NUP210: variants seen among roughly 807,000 people sequenced by gnomAD.
NUP210 encodes the protein nucleoporin 210, also known as nuclear pore membrane glycoprotein 210.
In NUP210, 151 loss-of-function variants were observed where a neutral mutation model predicts 196.0. The ratio of observed to expected loss-of-function variants is 0.77; its 90% CI spans 0.67 to 0.88. The LOEUF (loss-of-function observed/expected upper bound fraction) is 0.88, where lower values mean the gene tolerates loss of function less well. Among genes scored for constraint, NUP210 ranks in the 40% least tolerant of loss-of-function variants. The probability of loss-of-function intolerance (pLI) is 0.00; values close to 1 mark genes in which losing one functional copy is unlikely to be tolerated. For missense variants in NUP210, 2,314 were observed against 2,493.7 expected (o/e 0.93, Z 1.53); for synonymous variants, 1,070 against 1,052.7 (o/e 1.02, Z -0.32).
intron 3 of NUP210, among the ~76,000 whole-genome samples, chr3:13,396,794 T>C (rs1266466135): frequency 6.8e-6 from 1 of 147,488 alleles, no homozygotes; most frequent in Non-Finnish European, 1.5e-5. Flanking sequence ...TTTCCCTTAC[T>C]TCCTTTAAGA....
At chr3:13,345,291 C>A (rs1024645409) in intron 20 of NUP210, 1 of 923,214 alleles carries the variant, frequency 1.1e-6, no homozygotes, top group Non-Finnish European at 1.3e-6. Context: ...CTGGTCCAAC[C>A]ACTTCAATGT....
At chr3:13,374,753 C>G (rs1261720570) in intron 11 of NUP210, among the ~76,000 whole-genome samples, 1 of 152,186 alleles carries the variant, frequency 6.6e-6, no homozygotes, top group African/African-American at 2.4e-5. Flanking sequence ...AGGTCAGCGA[C>G]TGCACCTCTG....
chr3:13,410,635 A>C (rs979299297), intron 1 of NUP210, among the ~76,000 whole-genome samples: 13 of 144,694 alleles, frequency 9.0e-5, no homozygotes, highest in Non-Finnish European at 1.8e-4. Flanking sequence ...AAAAACAAAA[A>C]GGCCGGGCAC....
chr3:13,334,912 G>A (rs1010220622), intron 28 of NUP210, among the ~76,000 whole-genome samples: 1 of 152,182 alleles, frequency 6.6e-6, no homozygotes, highest in East Asian at 1.9e-4. Flanking sequence ...ACAGGGCACA[G>A]TCCCCAGGCC....
In NUP210 at chr3:13,335,453, C is replaced by T; in HGVS notation, c.3843+1G>A. On this transcript the variant is annotated splice_donor_variant, in intron 28 of 39. Coordinates refer to ENST00000254508, the MANE Select transcript of NUP210 (RefSeq NM_024923.4). LOFTEE classifies it high-confidence loss of function. ...CTGTGGCCTTTCCACCTGCCTCCTA[C>T]CTGGACTTGGATCTCATCCGAGAGT... is the stretch of plus-strand genomic sequence containing the variant. 1 of 1,611,896 alleles carries T rather than the reference C, an allele frequency of 6.2e-7. No individual in the cohort carries two copies. Among genetic ancestry groups the T allele is most frequent in the African/African-American group, 1.3e-5 (1 of 75,032 alleles).
intron 14 of NUP210, among the ~76,000 whole-genome samples, chr3:13,364,387 G>C (rs1698462652): frequency 6.6e-6 from 1 of 152,196 alleles, no homozygotes; most frequent in African/African-American, 2.4e-5. Flanking sequence ...TGTTATGTTT[G>C]CTCTGGAGGT....
At chr3:13,414,845 T>C (rs1700293936) in intron 1 of NUP210, among the ~76,000 whole-genome samples, 1 of 152,190 alleles carries the variant, frequency 6.6e-6, no homozygotes, top group African/African-American at 2.4e-5. Context: ...TAATTAACCG[T>C]TTAACTCCGG....
At chr3:13,318,159 G>C (rs920121378) in intron 39 of NUP210, among the ~76,000 whole-genome samples, 3 of 152,222 alleles carry the variant, frequency 2.0e-5, no homozygotes, top group Non-Finnish European at 4.4e-5. Flanking sequence ...ATTCTGCAGT[G>C]CTCCGGAGAC....
At chr3:13,343,382 G>A in intron 20 of NUP210, 79 bp from the exon 21 acceptor site, 1 of 1,519,922 alleles carries the variant, frequency 6.6e-7, no homozygotes, top group South Asian at 1.2e-5. Context: ...AGGTTTGTGA[G>A]CAGTGCCTCG....
chr3:13,399,597 G>A, intron 2 of NUP210, 128 bp downstream of exon 2: 1 of 1,256,700 alleles, frequency 8.0e-7, no homozygotes, highest in East Asian at 2.4e-5. Context: ...CTCCTGCCTG[G>A]GTGTCCTGCC....
intron 1 of NUP210, among the ~76,000 whole-genome samples, chr3:13,411,595 C>CT (rs1700175999): frequency 6.6e-6 from 1 of 152,206 alleles, no homozygotes; most frequent in Non-Finnish European, 1.5e-5. Flanking sequence ...CTGGAAGCCC[C>CT]TGCCTCTGGA....
intron 29 of NUP210, 54 bp from the exon 30 acceptor site, chr3:13,330,688 C>T (rs909719227): frequency 1.4e-5 from 22 of 1,532,424 alleles, no homozygotes; most frequent in Non-Finnish European, 1.8e-5. Flanking sequence ...GGGAGTGGGC[C>T]TGGATACAAT....
In NUP210 at chr3:13,318,436, C is replaced by T. The variant is rs186627571; in HGVS notation, c.5563+636G>A. ...CTTTCAAAAAAATTCAGGGACCCCC[C>T]TGAAGCCGGTCCATGGGCCCCCATG... is the stretch of plus-strand genomic sequence containing the variant. On this transcript the variant is annotated intron_variant, in intron 39 of 39. Transcript: ENST00000254508. Among the ~76,000 whole-genome samples, 443 of 152,330 alleles carry T rather than the reference C, an allele frequency of 2.9e-3. 4 individuals are homozygous for T. The highest frequency in any genetic ancestry group is 0.01 in the African/African-American group (431 of 41,580).
chr3:13,373,460 C>T (rs1421668341), intron 12 of NUP210, among the ~76,000 whole-genome samples: 1 of 152,212 alleles, frequency 6.6e-6, no homozygotes, highest in Non-Finnish European at 1.5e-5. Context: ...TCTAGAATGG[C>T]TCTTAGATTA....
Position 13,340,191 on chromosome 3 carries a change from G to A in NUP210, c.3291+45C>T, listed in dbSNP as rs1697409729. 3.1e-6 allele frequency: 5 copies of A among 1,611,296 alleles called. No homozygotes were observed. Among genetic ancestry groups the A allele is most frequent in the Non-Finnish European group, 4.2e-6 (5 of 1,178,246 alleles). The stretch of plus-strand genomic sequence containing the variant: ...GGCGGCGTGCCTGGAACCAGGTGGT[G>A]GCCTGCACTGGGGCTGGAGCAGGAC... On this transcript the variant is annotated intron_variant, in intron 24 of 39. Coordinates refer to ENST00000254508, the MANE Select transcript of NUP210 (RefSeq NM_024923.4). This position sits in a 1 kb window ranked among gnomAD's most constrained non-coding sequence, Gnocchi z 4.0.
chr3:13,349,480 G>C (rs1285159184), intron 20 of NUP210, among the ~76,000 whole-genome samples: 2 of 152,204 alleles, frequency 1.3e-5, no homozygotes, highest in Non-Finnish European at 2.9e-5. Context: ...CTGGGGCCCG[G>C]CTGCCCTTCC....
intron 31 of NUP210, among the ~76,000 whole-genome samples, chr3:13,328,243 C>T (rs898072022): frequency 6.6e-6 from 1 of 152,222 alleles, no homozygotes; most frequent in African/African-American, 2.4e-5. Flanking sequence ...ATGACCACTC[C>T]CTCAGCTGAA....
chr3:13,319,103 C>T lies in NUP210; in HGVS notation c.5532G>A (p.Thr1844=), dbSNP rs1336854679. The T allele has an allele frequency of 3.1e-6, 5 of 1,607,774 alleles. No individual in the cohort carries two copies. The highest frequency in any genetic ancestry group is 1.3e-5 in the African/African-American group (1 of 74,850). The change falls in exon 39 of 40, where the codon ACG becomes ACA. Residue 1844 remains threonine, a synonymous_variant. Coordinates refer to ENST00000254508, the MANE Select transcript of NUP210 (RefSeq NM_024923.4). The stretch of plus-strand genomic sequence containing the variant: ...GGCTGTGTCCAGGGCTGGCTCGAGG[C>T]GTGAGGGCTGCAGGCACAGCAAGAT... ...PRDLAVPAAL[T]PRASPGHSPH... is the part of the protein sequence containing the mutation.
intron 15 of NUP210, among the ~76,000 whole-genome samples, chr3:13,358,650 T>C (rs1419142399): frequency 1.3e-5 from 2 of 152,038 alleles, no homozygotes; most frequent in East Asian, 3.9e-4. Context: ...AGGGAAGAGG[T>C]AGACCCGGTG....
Sources: allele counts gnomAD v4.1 joint callset (sites outside exome capture counted in the v4.1 genomes callset), GRCh38; gene constraint gnomAD v4.1.1; non-coding constraint Gnocchi (gnomAD v3.1); transcripts MANE v1.5; gene names NCBI Gene and HGNC (gene_info 2026-07-23, HGNC 2026-07-21).